Variants in PHLDB2 observed in about 807,000 individuals in gnomAD.
PHLDB2 encodes the protein pleckstrin homology like domain family B member 2, also known as pleckstrin homology-like domain family B member 2.
A neutral mutation model predicts 123.6 loss-of-function variants in PHLDB2; 71 were observed. That is an observed-to-expected ratio of 0.57 (90% confidence interval 0.47 to 0.70). The LOEUF (loss-of-function observed/expected upper bound fraction) is 0.70. Ranked by LOEUF, PHLDB2 falls within the 30% of genes least tolerant of loss-of-function variation. PHLDB2 has a pLI of 0.00. For missense variants in PHLDB2, 1,446 were observed against 1,519.5 expected (o/e 0.95, Z 0.80); for synonymous variants, 547 against 541.6 (o/e 1.01, Z -0.14).
chr3:111,793,214 T>C (rs1383607087), intron 1 of PHLDB2, among the ~76,000 whole-genome samples: 2 of 152,200 alleles, frequency 1.3e-5, no homozygotes, highest in Non-Finnish European at 2.9e-5. Flanking sequence ...CCTGGCGCTC[T>C]ATTCTACTGT....
chr3:111,864,621 T>A (rs539485401), intron 1 of PHLDB2, among the ~76,000 whole-genome samples: 68 of 152,346 alleles, frequency 4.5e-4, no homozygotes, highest in Non-Finnish European at 8.8e-4. Flanking sequence ...ATCATTTTAC[T>A]GTTGTGTGGG....
chr3:111,757,545 G>T (rs1012651486), intron 1 of PHLDB2, among the ~76,000 whole-genome samples: 2 of 152,138 alleles, frequency 1.3e-5, no homozygotes, highest in Non-Finnish European at 2.9e-5. Flanking sequence ...GGAGTAGTTT[G>T]ATCGTCTGAA....
At chr3:111,935,168 C>T (rs181540156) in intron 6 of PHLDB2, among the ~76,000 whole-genome samples, 56 of 138,896 alleles carry the variant, frequency 4.0e-4, no homozygotes, top group African/African-American at 1.2e-3. Context: ...AGTGCGATCT[C>T]GGCTCACTGC....
At chr3:111,953,834 A>G in intron 11 of PHLDB2, 96 bp from the exon 12 acceptor site, 1 of 925,510 alleles carries the variant, frequency 1.1e-6, no homozygotes, top group East Asian at 2.6e-5. Context: ...TGCCCTGTAC[A>G]CTTAGATAGG....
chr3:111,971,743 C>T (rs2072201578), intron 16 of PHLDB2, among the ~76,000 whole-genome samples: 1 of 152,144 alleles, frequency 6.6e-6, no homozygotes, highest in South Asian at 2.1e-4. Context: ...GGAGTCATGT[C>T]CCTTCTGTCT....
intron 1 of PHLDB2, among the ~76,000 whole-genome samples, chr3:111,785,360 T>C (rs1439905800): frequency 6.6e-6 from 1 of 152,148 alleles, no homozygotes; most frequent in East Asian, 1.9e-4. Context: ...GTTTTCTGTT[T>C]ATTTTTTGAT....
At chr3:111,886,022 T>A (rs577262289) in intron 2 of PHLDB2, among the ~76,000 whole-genome samples, 3 of 152,326 alleles carry the variant, frequency 2.0e-5, no homozygotes, top group African/African-American at 7.2e-5. Context: ...TTAAAATGAA[T>A]TTATACTTAT....
intron 1 of PHLDB2, among the ~76,000 whole-genome samples, chr3:111,768,700 G>A (rs1338332804): frequency 6.6e-6 from 1 of 152,132 alleles, no homozygotes; most frequent in Non-Finnish European, 1.5e-5. Flanking sequence ...CCAAACAAAG[G>A]TCCATACGAC....
chr3:111,753,765 G>C (rs570055219), intron 1 of PHLDB2, among the ~76,000 whole-genome samples: 3 of 152,184 alleles, frequency 2.0e-5, no homozygotes, highest in Non-Finnish European at 4.4e-5. Context: ...TTTTCTTCTA[G>C]GGTGTTTATG....
At chr3:111,812,231 A>G (rs1371944621) in intron 1 of PHLDB2, among the ~76,000 whole-genome samples, 2 of 152,214 alleles carry the variant, frequency 1.3e-5, no homozygotes, top group South Asian at 2.1e-4. Flanking sequence ...TATCCAGGCC[A>G]TCTTTCTGTG....
chr3:111,884,432 A>C lies in PHLDB2; in HGVS notation c.355A>C (p.Ser119Arg). 6.2e-7 allele frequency: 1 copy of C among 1,614,162 alleles called. No individual in the cohort carries two copies. The highest frequency in any genetic ancestry group is 8.5e-7 in the Non-Finnish European group (1 of 1,180,022). ...TPLLNTTSSLSGYPLGRADFD... is the reference protein window; with the variant it reads ...TPLLNTTSSLRGYPLGRADFD... ...TTTACTCAACACTACATCCTCCCTC[A>C]GTGGATATCCACTTGGAAGAGCAGA... The change falls in exon 2 of 18, where the codon AGT becomes CGT. Residue 119 changes from serine (S) to arginine (R), a missense_variant. Ser to Arg is a moderately radical substitution (Grantham distance 110, BLOSUM62 -1). Transcript: ENST00000431670.
chr3:111,788,769 C>T (rs185487308), intron 1 of PHLDB2, among the ~76,000 whole-genome samples: 1 of 152,278 alleles, frequency 6.6e-6, no homozygotes, highest in Admixed American at 6.5e-5. Flanking sequence ...TTCAGCTCAT[C>T]AGCTATCGTT....
intron 11 of PHLDB2, among the ~76,000 whole-genome samples, chr3:111,953,214 C>T (rs2070820747): frequency 6.6e-6 from 1 of 152,072 alleles, no homozygotes; most frequent in Admixed American, 6.5e-5. Flanking sequence ...CCAAGGAGCC[C>T]TCAGCTGGTA....
intron 1 of PHLDB2, among the ~76,000 whole-genome samples, chr3:111,752,637 ATTATT>A (rs202228094): frequency 0.05 from 7,565 of 151,194 alleles, 630 homozygotes; most frequent in African/African-American, 0.17. Context: ...CTTTTTTATT[ATTATT>A]TTATTTTATT....
At chr3:111,780,396 A>AGGAG (rs201054254) in intron 1 of PHLDB2, among the ~76,000 whole-genome samples, 1 of 49,208 alleles carries the variant, frequency 2.0e-5, no homozygotes, top group Admixed American at 2.5e-4. Context: ...AAGAAGAAGA[A>AGGAG]GAAGAAGAAG....
chr3:111,875,846 T>C (rs2943232), intron 1 of PHLDB2, among the ~76,000 whole-genome samples: 2,759 of 149,840 alleles, frequency 0.018, 87 homozygotes, highest in African/African-American at 0.063. Flanking sequence ...AGAAAGAAAA[T>C]GTTTAATCAA....
chr3:111,765,145 C>A (rs1050188778), intron 1 of PHLDB2, among the ~76,000 whole-genome samples: 2 of 152,138 alleles, frequency 1.3e-5, no homozygotes, highest in African/African-American at 4.8e-5. Flanking sequence ...AATAGGCAGG[C>A]GTGAAACACT....
chr3:111,880,099 A>G (rs1184021439), intron 1 of PHLDB2, among the ~76,000 whole-genome samples: 1 of 148,720 alleles, frequency 6.7e-6, no homozygotes, highest in Admixed American at 6.9e-5. Context: ...AGTTTTCTCC[A>G]GCGGATATGT....
At chr3:111,748,006 G>A (rs1418664720) in intron 1 of PHLDB2, among the ~76,000 whole-genome samples, 2 of 152,152 alleles carry the variant, frequency 1.3e-5, no homozygotes, top group Non-Finnish European at 2.9e-5. Context: ...CTTTTGATAT[G>A]TTGCTCAGGG....
Sources: allele counts gnomAD v4.1 joint callset (sites outside exome capture counted in the v4.1 genomes callset), GRCh38; gene constraint gnomAD v4.1.1; transcripts MANE v1.5; gene names NCBI Gene and HGNC (gene_info 2026-07-23, HGNC 2026-07-21).